Variants in PYROXD2 observed in about 807,000 individuals in gnomAD.
PYROXD2 encodes pyridine nucleotide-disulfide oxidoreductase domain-containing protein 2.
PYROXD2 carries 69 observed loss-of-function variants against 71.1 expected under a neutral mutation model. The ratio of observed to expected loss-of-function variants is 0.97; its 90% CI spans 0.80 to 1.19. The LOEUF is 1.19. Among genes scored for constraint, PYROXD2 ranks in the 50% most tolerant of loss-of-function variants. The pLI is 0.00. For missense variants in PYROXD2, 745 were observed against 748.9 expected (o/e 0.99, Z 0.06); for synonymous variants, 287 against 302.7 (o/e 0.95, Z 0.54).
chr10:98,386,063 GC>G (rs1258479167), intron 14 of PYROXD2, among the ~76,000 whole-genome samples: 1 of 151,260 alleles, frequency 6.6e-6, no homozygotes, highest in East Asian at 1.9e-4. Flanking sequence ...GATCACTTGA[GC>G]CCCAGAGTTT....
chr10:98,411,277 G>T, intron 1 of PYROXD2: 1 of 387,076 alleles, frequency 2.6e-6, no homozygotes, highest in Non-Finnish European at 4.7e-6. Flanking sequence ...GGAGGCGCAA[G>T]TGATGGTGTC....
intron 4 of PYROXD2, among the ~76,000 whole-genome samples, chr10:98,405,947 T>C (rs1843582608): frequency 6.6e-6 from 1 of 152,254 alleles, no homozygotes. Context: ...GATAGAACAT[T>C]AAGGTCATAG....
At chr10:98,404,802 G>A (rs936889869) in intron 4 of PYROXD2, among the ~76,000 whole-genome samples, 3 of 152,118 alleles carry the variant, frequency 2.0e-5, no homozygotes, top group African/African-American at 7.2e-5. Flanking sequence ...AAAAACGACC[G>A]TTTCTGGGCC....
chr10:98,396,079 T>G (rs1843164007), intron 6 of PYROXD2, among the ~76,000 whole-genome samples: 1 of 152,254 alleles, frequency 6.6e-6, no homozygotes, highest in Non-Finnish European at 1.5e-5. Flanking sequence ...GTCTACTTTT[T>G]GCATTTGTAA....
Position 98,388,408 on chromosome 10 carries a change from G to A in PYROXD2, c.1393C>T (p.Leu465=). Residue 465 remains leucine, a synonymous_variant, in exon 13 of 16, where the codon CTG becomes TTG. Coordinates refer to ENST00000370575, the MANE Select transcript of PYROXD2 (RefSeq NM_032709.3). The part of the protein sequence containing the change: ...SLFTQYMPYT[L]AGGKAWDEQE... ...TCGTCCCAGGCCTTGCCTCCAGCCA[G>A]CGTATAGGGCATGTACTGAGTGAAG... The A allele has an allele frequency of 2.5e-6, 4 of 1,613,782 alleles. No individual in the cohort carries two copies. The East Asian group carries it at 6.7e-5, about 27-fold the overall frequency.
Position 98,405,162 on chromosome 10 carries a change from C to T in PYROXD2, c.315+2420G>A, listed in dbSNP as rs138455084. Among the ~76,000 whole-genome samples, 45 of 152,288 alleles carry T rather than the reference C, an allele frequency of 3.0e-4. 2 individuals carry two copies. The East Asian group carries it at 7.7e-3, about 26-fold the overall frequency. On this transcript the variant is annotated intron_variant, in intron 4 of 15. Transcript: ENST00000370575. ...TTCCAGCCTGGATTCCATCATCCAGCGCAGGGCCGCTGCAAAAGCAAACTC... is the reference window on the plus strand; with the variant it reads ...TTCCAGCCTGGATTCCATCATCCAGTGCAGGGCCGCTGCAAAAGCAAACTC...
intron 5 of PYROXD2, among the ~76,000 whole-genome samples, chr10:98,397,877 CTTTTTT>C (rs60678578): frequency 2.9e-4 from 24 of 84,168 alleles, no homozygotes; most frequent in East Asian, 2.5e-3. Context: ...GTCCTTTCTT[CTTTTTT>C]TTTTTTTTTT....
chr10:98,391,084 T>G lies in PYROXD2; in HGVS notation c.1063-2A>C. The G allele has an allele frequency of 6.2e-7, 1 of 1,606,618 alleles. No homozygotes were observed. On this transcript the variant is annotated splice_acceptor_variant, in intron 10 of 15. Coordinates refer to ENST00000370575, the MANE Select transcript of PYROXD2 (RefSeq NM_032709.3). LOFTEE classifies it high-confidence loss of function. ...CAGGAACTCCTCAGGAAGCCACTCC[T>G]GGAAGGAGAAGGCTCCATGAAAGGC...
rs757105920 is a variant in PYROXD2 at position 98,385,081 on chromosome 10, G to A, written c.1555-14C>T. 22 of 1,613,328 alleles carry A rather than the reference G, an allele frequency of 1.4e-5. No homozygotes were observed. Among genetic ancestry groups the A allele is most frequent in the Non-Finnish European group, 1.8e-5 (21 of 1,179,804 alleles). ...GTGGAATATGTTCTGCAGAGGCAGG[G>A]CCACAGTCATCAGCACAGGAGAGTT... On this transcript the variant is annotated splice_polypyrimidine_tract_variant and intron_variant, in intron 14 of 15. Transcript: ENST00000370575.
intron 14 of PYROXD2, among the ~76,000 whole-genome samples, chr10:98,386,684 G>A (rs957091510): frequency 2.0e-5 from 3 of 151,950 alleles, no homozygotes; most frequent in Non-Finnish European, 2.9e-5. Context: ...CTGGGTAGCT[G>A]GAACCACAGG....
At chr10:98,412,752 T>C (rs566756679) in intron 1 of PYROXD2, among the ~76,000 whole-genome samples, 1 of 152,180 alleles carries the variant, frequency 6.6e-6, no homozygotes, top group South Asian at 2.1e-4. Context: ...AGAAATCATG[T>C]CAAGGAAAAG....
chr10:98,400,293 G>T (rs939290046), intron 4 of PYROXD2, 36 bp from the exon 5 acceptor site: 1 of 1,572,316 alleles, frequency 6.4e-7, no homozygotes, highest in Non-Finnish European at 8.7e-7. Flanking sequence ...ACATATTAAT[G>T]GCTCTGTGGT....
Position 98,407,608 on chromosome 10 carries a change from G to T in PYROXD2, c.289C>A (p.Gln97Lys), listed in dbSNP as rs1843644084. ...ASYLLSLLRP[Q>K]IYTDLELKKH... is the part of the protein sequence containing the mutation. ...TTCAGCTCCAGATCAGTGTAAATCT[G>T]CGGCCTCAGCAGGCTGAGCAGGTAG... is the stretch of plus-strand genomic sequence containing the variant. Residue 97 changes from glutamine to lysine, a missense_variant, in exon 4 of 16, where the codon CAG (glutamine) becomes AAG (lysine). Transcript: ENST00000370575. 1.2e-6 allele frequency: 2 copies of T among 1,613,908 alleles called. No homozygotes were observed. Among genetic ancestry groups the T allele is most frequent in the Non-Finnish European group, 8.5e-7 (1 of 1,179,986 alleles).
At chr10:98,407,305 T>C (rs1356765642) in intron 4 of PYROXD2, among the ~76,000 whole-genome samples, 1 of 152,206 alleles carries the variant, frequency 6.6e-6, no homozygotes, top group Non-Finnish European at 1.5e-5. Flanking sequence ...TTCAGATAGG[T>C]GTCCCACGTG....
intron 5 of PYROXD2, among the ~76,000 whole-genome samples, chr10:98,398,233 G>A (rs1236820893): frequency 6.6e-6 from 1 of 152,102 alleles, no homozygotes; most frequent in African/African-American, 2.4e-5. Flanking sequence ...CTCTTTGCCT[G>A]TATTCTTTTC....
At chr10:98,395,636 G>C (rs1843144532) in intron 6 of PYROXD2, among the ~76,000 whole-genome samples, 184 bp from the exon 7 acceptor site, 2 of 152,042 alleles carry the variant, frequency 1.3e-5, no homozygotes, top group Non-Finnish European at 2.9e-5. Context: ...GCAGTGCCTG[G>C]GACACATTTT....
At chr10:98,395,099 A>C in intron 8 of PYROXD2, 97 bp downstream of exon 8, 1 of 1,024,960 alleles carries the variant, frequency 9.8e-7, no homozygotes. Flanking sequence ...GAGCTCTGTT[A>C]AGTGGCAGCT....
chr10:98,413,347 A>C (rs1843852229), intron 1 of PYROXD2, among the ~76,000 whole-genome samples: 1 of 152,242 alleles, frequency 6.6e-6, no homozygotes, highest in Non-Finnish European at 1.5e-5. Flanking sequence ...AGCATGAATA[A>C]ATAGCACAAA....
chr10:98,401,464 T>A (rs1328927067), intron 4 of PYROXD2, among the ~76,000 whole-genome samples: 1 of 152,120 alleles, frequency 6.6e-6, no homozygotes, highest in Non-Finnish European at 1.5e-5. Context: ...ACACGTAGGC[T>A]ACACTACATT....
Sources: allele counts gnomAD v4.1 joint callset (sites outside exome capture counted in the v4.1 genomes callset), GRCh38; gene constraint gnomAD v4.1.1; transcripts MANE v1.5; gene names NCBI Gene and HGNC (gene_info 2026-07-23, HGNC 2026-07-21).